PKD1L3: variants seen among roughly 807,000 people sequenced by gnomAD.
PKD1L3 encodes the protein polycystin 1 like 3, transient receptor potential channel interacting, also known as polycystin-1-like protein 3.
A neutral mutation model predicts 184.1 loss-of-function variants in PKD1L3; 239 were observed. The ratio of observed to expected loss-of-function variants is 1.30; its 90% CI spans 1.17 to 1.45. The LOEUF is 1.45. Ranked by LOEUF, PKD1L3 falls within the 40% of genes most tolerant of loss-of-function variation. The pLI is 0.00. For synonymous variants in PKD1L3, 996 were observed against 778.8 expected (o/e 1.28, Z -4.64); for missense variants, 2,660 against 2,067.2 (o/e 1.29, Z -5.56).
intron 28 of PKD1L3, among the ~76,000 whole-genome samples, chr16:71,931,983 A>G (rs113497827): frequency 1.3e-5 from 2 of 152,088 alleles, no homozygotes; most frequent in African/African-American, 2.4e-5. Flanking sequence ...AGCTCAAGCA[A>G]TCTTTTCACT....
intron 16 of PKD1L3, among the ~76,000 whole-genome samples, chr16:71,959,693 T>C (rs2039196174): frequency 6.6e-6 from 1 of 152,022 alleles, no homozygotes; most frequent in Non-Finnish European, 1.5e-5. Flanking sequence ...AGAAAAAGTG[T>C]GTTAAAAATT....
chr16:71,977,840 T>C (rs1404476387), intron 10 of PKD1L3, among the ~76,000 whole-genome samples: 1 of 152,204 alleles, frequency 6.6e-6, no homozygotes, highest in Non-Finnish European at 1.5e-5. Context: ...AGCAGTGCGA[T>C]CTCAGCTCAC....
At chr16:71,966,304 A>C (rs779832571) in intron 15 of PKD1L3, among the ~76,000 whole-genome samples, 5 of 152,104 alleles carry the variant, frequency 3.3e-5, no homozygotes, top group Admixed American at 6.5e-5. Context: ...CTCAAGGAAG[A>C]TACTGAATCA....
At chr16:71,951,516 A>G in intron 19 of PKD1L3, 48 bp downstream of exon 19, 2 of 1,497,788 alleles carry the variant, frequency 1.3e-6, no homozygotes, top group Non-Finnish European at 9.0e-7. Context: ...TATGCAAGGG[A>G]GTGGGAGGCA....
intron 9 of PKD1L3, 46 bp from the exon 10 acceptor site, chr16:71,978,429 T>C (rs1252559532): frequency 6.6e-7 from 1 of 1,511,492 alleles, no homozygotes; most frequent in South Asian, 1.2e-5. Flanking sequence ...TGAAATATTT[T>C]TAAGTGACCC....
chr16:71,990,215 A>G, intron 4 of PKD1L3, 65 bp downstream of exon 4: 2 of 1,345,538 alleles, frequency 1.5e-6, no homozygotes, highest in South Asian at 2.6e-5. Context: ...AGCTCTAACC[A>G]GATCTACTAG....
chr16:71,992,390 AGCCACATGTTACG>A (rs2040622288), intron 3 of PKD1L3, among the ~76,000 whole-genome samples: 1 of 152,232 alleles, frequency 6.6e-6, no homozygotes, highest in African/African-American at 2.4e-5. Flanking sequence ...TGACACTTAA[AGCCACATGTTACG>A]TAAGGTAATA....
At chr16:71,945,323 TATATACAC>T (rs1567498542) in intron 22 of PKD1L3, among the ~76,000 whole-genome samples, 3,094 of 63,374 alleles carry the variant, frequency 0.049, 37 homozygotes, top group East Asian at 0.11. Context: ...CACACACACA[TATATACAC>T]ACACACACAC....
At chr16:71,987,363 G>A (rs8055513) in intron 4 of PKD1L3, among the ~76,000 whole-genome samples, 1 of 151,848 alleles carries the variant, frequency 6.6e-6, no homozygotes, top group African/African-American at 2.4e-5. Flanking sequence ...TGGGACTACA[G>A]GCACACACCA....
chr16:71,995,908 GTGT>G (rs1451174356), intron 2 of PKD1L3, among the ~76,000 whole-genome samples: 3 of 152,196 alleles, frequency 2.0e-5, no homozygotes, highest in Non-Finnish European at 4.4e-5. Context: ...CCAACGGAAA[GTGT>G]TGTTAAGTTT....
chr16:71,933,688 T>C (rs2038072288), intron 27 of PKD1L3, among the ~76,000 whole-genome samples, 167 bp from the exon 28 acceptor site: 1 of 152,332 alleles, frequency 6.6e-6, no homozygotes, highest in Admixed American at 6.5e-5. Flanking sequence ...AGTGTTTTCA[T>C]AGAAGTTTAT....
At chr16:71,976,585 T>G (rs8048292) in intron 11 of PKD1L3, among the ~76,000 whole-genome samples, 2 of 151,876 alleles carry the variant, frequency 1.3e-5, no homozygotes, top group South Asian at 2.1e-4. Context: ...TAACTGCATG[T>G]GAATCTACAA....
At position 71,963,283 on chromosome 16, in the gene PKD1L3, C is replaced by T; in HGVS notation, c.2534G>A (p.Trp845Ter). ...KRKWHFLCNC[W>*]LAVDLGDCEL... The stretch of plus-strand genomic sequence containing the variant: ...ACAGTCTCCGAGGTCCACAGCCAGC[C>T]AGCAATTGCACAGGAAATGCCACTT... Residue 845 changes from tryptophan (W) to a stop codon, truncating the protein, a stop_gained, in exon 16 of 30, where the codon TGG becomes TAG. Coordinates refer to ENST00000620267, the MANE Select transcript of PKD1L3 (RefSeq NM_181536.2). LOFTEE classifies it high-confidence loss of function. 3 of 1,551,500 alleles carry T rather than the reference C, an allele frequency of 1.9e-6. No individual in the cohort carries two copies. The highest frequency in any genetic ancestry group is 2.6e-6 in the Non-Finnish European group (3 of 1,146,874).
At position 71,978,285 on chromosome 16, in the gene PKD1L3, G is replaced by A. The variant is rs1283118909; in HGVS notation, c.1497C>T (p.Leu499=). ...SVLLSANRKL[L]QVHDLMEDIE... ...TGTCCTCCATTAAATCATGGACTTG[G>A]AGCAATTTACGATTAGCGCTTAGTA... The change falls in exon 10 of 30, where the codon CTC becomes CTT. Residue 499 remains leucine, a synonymous_variant. Transcript: ENST00000620267. 2 of 1,550,132 alleles carry A rather than the reference G, an allele frequency of 1.3e-6. No individual in the cohort carries two copies. The highest frequency in any genetic ancestry group is 3.9e-5 in the Admixed American group (2 of 50,898).
intron 2 of PKD1L3, 52 bp downstream of exon 2, chr16:71,998,220 G>T (rs1311099140): frequency 6.5e-7 from 1 of 1,547,132 alleles, no homozygotes; most frequent in Admixed American, 2.0e-5. Flanking sequence ...TCCTTATTTA[G>T]AATCAGTTTC....
intron 28 of PKD1L3, among the ~76,000 whole-genome samples, chr16:71,931,829 G>A (rs1181215134): frequency 6.6e-5 from 10 of 152,170 alleles, no homozygotes; most frequent in Non-Finnish European, 1.5e-5. Context: ...TCTTATACTT[G>A]AAATAAACTT....
intron 21 of PKD1L3, among the ~76,000 whole-genome samples, chr16:71,949,391 C>A (rs2038742885): frequency 6.8e-6 from 1 of 146,216 alleles, no homozygotes; most frequent in Non-Finnish European, 1.5e-5. Flanking sequence ...CTCACTCTGT[C>A]ACCTAGGCTG....
intron 4 of PKD1L3, 69 bp downstream of exon 4, chr16:71,990,211 A>C: frequency 1.7e-5 from 23 of 1,331,160 alleles, no homozygotes; most frequent in Non-Finnish European, 2.4e-5. Context: ...ATAGAGCTCT[A>C]ACCAGATCTA....
intron 9 of PKD1L3, 63 bp from the exon 10 acceptor site, chr16:71,978,446 A>G (rs890508485): frequency 2.8e-6 from 4 of 1,415,682 alleles, no homozygotes; most frequent in Admixed American, 4.2e-5. Flanking sequence ...ACCCCACTAG[A>G]AAGATATATC....
Sources: allele counts gnomAD v4.1 joint callset (sites outside exome capture counted in the v4.1 genomes callset), GRCh38; gene constraint gnomAD v4.1.1; transcripts MANE v1.5; gene names NCBI Gene and HGNC (gene_info 2026-07-23, HGNC 2026-07-21).